SAMSN1: variants seen among roughly 807,000 people sequenced by gnomAD.
The protein encoded by SAMSN1 is SAM domain, SH3 domain and nuclear localization signals 1.
In SAMSN1, 31 loss-of-function variants were observed where a neutral mutation model predicts 42.0. The ratio of observed to expected loss-of-function variants is 0.74; its 90% CI spans 0.55 to 1.00. The LOEUF (loss-of-function observed/expected upper bound fraction) is 1.00, where lower values mean the gene tolerates loss of function less well. Among genes scored for constraint, SAMSN1 ranks in the 50% least tolerant of loss-of-function variants. The pLI is 0.00. For synonymous variants in SAMSN1, 178 were observed against 151.9 expected (o/e 1.17, Z -1.26); for missense variants, 464 against 439.4 (o/e 1.06, Z -0.50).
chr21:14,534,987 G>T (rs538469262), intron 1 of SAMSN1, among the ~76,000 whole-genome samples: 3 of 152,012 alleles, frequency 2.0e-5, no homozygotes, highest in African/African-American at 4.8e-5. Flanking sequence ...CTATAAATTC[G>T]AATAGATAAG....
At chr21:14,576,912 T>A (rs976746273) in intron 2 of SAMSN1, among the ~76,000 whole-genome samples, 73 of 152,198 alleles carry the variant, frequency 4.8e-4, no homozygotes, top group African/African-American at 1.7e-3. Flanking sequence ...TGACTTTGCC[T>A]CTTCCTGAAA....
At position 14,566,689 on chromosome 21, in the gene SAMSN1, C is replaced by T. The variant is rs1981130536; in HGVS notation, c.261+15447G>A. ...AGTAGCTGGGGTTACAGGTGTGCACCAACATGCCTTGCTAATTTTTGTATT... is the reference window on the plus strand; with the variant it reads ...AGTAGCTGGGGTTACAGGTGTGCACTAACATGCCTTGCTAATTTTTGTATT... On this transcript the variant is annotated intron_variant, in intron 2 of 8. Coordinates refer to the SAMSN1 transcript ENST00000285670. Among the ~76,000 whole-genome samples the T allele has an allele frequency of 2.0e-5, 3 of 152,022 alleles. No individual in the cohort carries two copies. The South Asian group carries it at 6.2e-4, about 31-fold the overall frequency.
chr21:14,578,971 A>T (rs573810391), intron 2 of SAMSN1, among the ~76,000 whole-genome samples: 1 of 152,320 alleles, frequency 6.6e-6, no homozygotes, highest in Admixed American at 6.5e-5. Context: ...CCTCCTTTAC[A>T]TTCTATAATA....
intron 2 of SAMSN1, among the ~76,000 whole-genome samples, chr21:14,551,864 G>T (rs1295451662): frequency 2.0e-5 from 3 of 152,042 alleles, no homozygotes; most frequent in African/African-American, 7.2e-5. Context: ...GGAAGTGGTG[G>T]AGTCAGGATT....
At chr21:14,638,254 T>A (rs58822268) in intron 2 of SAMSN1, among the ~76,000 whole-genome samples, 86 of 152,318 alleles carry the variant, frequency 5.6e-4, no homozygotes, top group African/African-American at 2.0e-3. Context: ...TTACCTAAAA[T>A]ATATCAAATA....
intron 5 of SAMSN1, among the ~76,000 whole-genome samples, chr21:14,509,075 C>G (rs1987557510): frequency 6.6e-6 from 1 of 151,294 alleles, no homozygotes; most frequent in African/African-American, 2.4e-5. Flanking sequence ...AAGATTGTGC[C>G]ACTGCACTCC....
chr21:14,616,475 C>T lies in SAMSN1; in HGVS notation c.157-459G>A, dbSNP rs138228552. ...TTCATTTGAGAAAAATGGAAAGTAGCCTATCACAATACCCTCAGGGTGTTG... is the reference window on the plus strand; with the variant it reads ...TTCATTTGAGAAAAATGGAAAGTAGTCTATCACAATACCCTCAGGGTGTTG... On this transcript the variant is annotated intron_variant, in intron 2 of 15. Coordinates refer to the SAMSN1 transcript ENST00000647101. Among the ~76,000 whole-genome samples the T allele has an allele frequency of 1.2e-3, 183 of 152,192 alleles. 2 individuals carry two copies. The East Asian group carries it at 0.03, about 25-fold the overall frequency.
Position 14,616,506 on chromosome 21 carries a change from C to T in SAMSN1, c.157-490G>A, listed in dbSNP as rs367832199. Among the ~76,000 whole-genome samples the T allele has an allele frequency of 7.6e-4, 116 of 152,256 alleles. 1 individual carries two copies. In the South Asian group the frequency reaches 8.3e-3, roughly 11 times the overall value. On this transcript the variant is annotated intron_variant, in intron 2 of 15. Coordinates refer to the SAMSN1 transcript ENST00000647101. ...ACAATACCCTCAGGGTGTTGAAATA[C>T]ATCTGTGATTCATCTGACATTTTTC...
intron 1 of SAMSN1, among the ~76,000 whole-genome samples, chr21:14,528,800 C>T (rs1279527376): frequency 2.6e-5 from 4 of 152,186 alleles, no homozygotes; most frequent in Non-Finnish European, 5.9e-5. Flanking sequence ...GTCTCATCAT[C>T]TCATTCTTCT....
chr21:14,511,840 G>A (rs1285165828), intron 4 of SAMSN1, among the ~76,000 whole-genome samples: 4 of 151,886 alleles, frequency 2.6e-5, no homozygotes, highest in Non-Finnish European at 4.4e-5. Context: ...ATCCCTTTTT[G>A]CCACCTAATT....
At chr21:14,565,299 A>AC (rs1981080502) in intron 2 of SAMSN1, among the ~76,000 whole-genome samples, 1 of 151,618 alleles carries the variant, frequency 6.6e-6, no homozygotes, top group South Asian at 2.1e-4. Flanking sequence ...AAAAAAAAAA[A>AC]AAAACATGTT....
chr21:14,615,811 A>G (rs898855250), intron 3 of SAMSN1, among the ~76,000 whole-genome samples: 2 of 151,264 alleles, frequency 1.3e-5, no homozygotes, highest in African/African-American at 4.9e-5. Context: ...ATCAGCATAA[A>G]CAGAGAAATG....
chr21:14,578,834 C>A (rs886900308), intron 2 of SAMSN1, among the ~76,000 whole-genome samples: 1 of 151,906 alleles, frequency 6.6e-6, no homozygotes, highest in Non-Finnish European at 1.5e-5. Flanking sequence ...TATCTTGGCA[C>A]GTATATTTTT....
chr21:14,508,620 A>G (rs1416404962), intron 5 of SAMSN1, among the ~76,000 whole-genome samples: 1 of 152,250 alleles, frequency 6.6e-6, no homozygotes, highest in East Asian at 1.9e-4. Flanking sequence ...AGTGTAAACT[A>G]GTACAACCAC....
chr21:14,601,161 C>T (rs1234930865), intron 6 of SAMSN1, among the ~76,000 whole-genome samples: 1 of 152,176 alleles, frequency 6.6e-6, no homozygotes, highest in African/African-American at 2.4e-5. Context: ...CTCATCCATG[C>T]ACTGTGGGAG....
chr21:14,542,390 C>G (rs1276347851), intron 1 of SAMSN1, among the ~76,000 whole-genome samples: 1 of 152,194 alleles, frequency 6.6e-6, no homozygotes, highest in Non-Finnish European at 1.5e-5. Context: ...AAGAGTCATT[C>G]TCTCACAGTT....
At chr21:14,557,634 A>ACTT (rs949227701) in intron 2 of SAMSN1, among the ~76,000 whole-genome samples, 2 of 152,172 alleles carry the variant, frequency 1.3e-5, no homozygotes. Context: ...CGGGGAATTC[A>ACTT]CTTCTGCTTT....
In SAMSN1 at chr21:14,588,876, T is replaced by C. The variant is rs374536691; in HGVS notation, c.466-5100A>G. Among the ~76,000 whole-genome samples the C allele has an allele frequency of 2.5e-3, 378 of 151,246 alleles. 6 individuals carry two copies. Among genetic ancestry groups the C allele is most frequent in the Middle Eastern group, 0.01 (3 of 290 alleles). On this transcript the variant is annotated intron_variant, in intron 7 of 15. Transcript: ENST00000647101. ...CTCTAATTGGTTTTCTTTTCACTTT[T>C]GTCTTTGTAATTTAGAGTCTTCTTT...
chr21:14,553,887 A>T (rs528980525), intron 2 of SAMSN1, among the ~76,000 whole-genome samples: 4 of 151,920 alleles, frequency 2.6e-5, no homozygotes, highest in Admixed American at 6.6e-5. Context: ...ATGTGTGTTG[A>T]TATGGGTTAT....
Sources: gnomAD v4.1 joint callset for allele counts (sites outside exome capture counted in the v4.1 genomes callset) on GRCh38, gnomAD v4.1.1 for gene constraint, MANE v1.5 for transcripts, NCBI Gene and HGNC (gene_info 2026-07-23, HGNC 2026-07-21) for gene names.